MOK: variants seen among roughly 807,000 people sequenced by gnomAD.
The protein encoded by MOK is MAPK/MAK/MRK overlapping kinase.
A neutral mutation model predicts 54.2 loss-of-function variants in MOK; 59 were observed. The ratio of observed to expected loss-of-function variants is 1.09; its 90% confidence interval spans 0.88 to 1.35. MOK has a LOEUF of 1.35. MOK is among the 40% of genes most tolerant of loss of function. MOK has a pLI of 0.00. For missense variants in MOK, 517 were observed against 526.2 expected (o/e 0.98, Z 0.17); for synonymous variants, 210 against 202.7 (o/e 1.04, Z -0.31).
chr14:102,223,830 G>T (rs1295491313), downstream of MOK, among the ~76,000 whole-genome samples: 1 of 152,104 alleles, frequency 6.6e-6, no homozygotes. Flanking sequence ...TGGCTCAGGA[G>T]GGCGTGGGCT....
chr14:102,257,475 A>G (rs1294584408), intron 4 of MOK, among the ~76,000 whole-genome samples: 1 of 152,186 alleles, frequency 6.6e-6, no homozygotes, highest in African/African-American at 2.4e-5. Flanking sequence ...TCCATATCAC[A>G]GAGTAACCCC....
downstream of MOK, among the ~76,000 whole-genome samples, chr14:102,220,226 CAGTG>C (rs886346682): frequency 1.7e-4 from 26 of 152,244 alleles, no homozygotes; most frequent in African/African-American, 6.0e-4. The surrounding 1 kb of genome is among the most constrained non-coding windows in gnomAD (Gnocchi z 4.2). Flanking sequence ...GCCTCACACT[CAGTG>C]AGAGGAAGTC....
chr14:102,215,966 C>T, the MOK span, among the ~76,000 whole-genome samples: 3 of 152,210 alleles, frequency 2.0e-5, no homozygotes, highest in Admixed American at 1.3e-4. Context: ...TCAGACACAG[C>T]CCTTCCTCAG....
At chr14:102,292,988 G>A (rs2070937378) in intron 1 of MOK, among the ~76,000 whole-genome samples, 1 of 151,952 alleles carries the variant, frequency 6.6e-6, no homozygotes, top group Non-Finnish European at 1.5e-5. Context: ...ACAAAAATTC[G>A]CCAGGAGGGT....
At chr14:102,244,781 G>C (rs144753677) in intron 7 of MOK, among the ~76,000 whole-genome samples, 2 of 152,042 alleles carry the variant, frequency 1.3e-5, no homozygotes, top group Non-Finnish European at 2.9e-5. Context: ...ACCTCTATAC[G>C]GTCCAATAAC....
At position 102,236,814 on chromosome 14, in the gene MOK, A is replaced by T. The variant is rs2065259552; in HGVS notation, c.591-3025T>A. On this transcript the variant is annotated intron_variant, in intron 7 of 11. Coordinates refer to ENST00000361847, the MANE Select transcript of MOK (RefSeq NM_014226.3). This position sits in a 1 kb window ranked among gnomAD's most constrained non-coding sequence, Gnocchi z 4.5. ...AAAGGCTTACAGCCCATCACAAACA[A>T]GCTCTGTTCACGCCGTCTTCTTAGG... 6.6e-6 allele frequency among the ~76,000 whole-genome samples: 1 copy of T among 152,096 alleles called. No individual in the cohort carries two copies. The highest frequency in any genetic ancestry group is 1.5e-5 in the Non-Finnish European group (1 of 68,022).
Position 102,231,468 on chromosome 14 carries a change from T to G in MOK, c.981+239A>C. The stretch of plus-strand genomic sequence containing the variant: ...CATCCCCTCTCTGGGCCTGCTCACA[T>G]GGGATATTCGTCATCAATTCTTAGC... On this transcript the variant is annotated intron_variant, in intron 10 of 11. Coordinates refer to ENST00000361847, the MANE Select transcript of MOK (RefSeq NM_014226.3). This position sits in a 1 kb window ranked among gnomAD's most constrained non-coding sequence, Gnocchi z 4.4. 6.3e-6 allele frequency: 3 copies of G among 472,750 alleles called. No homozygotes were observed. The highest frequency in any genetic ancestry group is 3.8e-6 in the Non-Finnish European group (1 of 262,722). 29.3% of individuals were successfully genotyped at this position (472,750 alleles called of 1,614,324 possible).
chr14:102,231,910 C>T lies in MOK; in HGVS notation c.867-89G>A. The T allele has an allele frequency of 1.9e-6, 2 of 1,079,662 alleles. No individual in the cohort carries two copies. Among genetic ancestry groups the T allele is most frequent in the Non-Finnish European group, 2.7e-6 (2 of 729,542 alleles). 66.9% of individuals were successfully genotyped at this position (1,079,662 alleles called of 1,614,324 possible). On this transcript the variant is annotated intron_variant, in intron 9 of 11. Coordinates refer to ENST00000361847, the MANE Select transcript of MOK (RefSeq NM_014226.3). The surrounding 1 kb of genome is among the most constrained non-coding windows in gnomAD (Gnocchi z 4.4). ...GGCTTCTTTGTCTCCAATTTGTCTACTGTGTGAGTTGTCACTAGCTCTTCT... is the reference window on the plus strand; with the variant it reads ...GGCTTCTTTGTCTCCAATTTGTCTATTGTGTGAGTTGTCACTAGCTCTTCT...
At chr14:102,275,067 T>A (rs2068729096) in intron 2 of MOK, among the ~76,000 whole-genome samples, 1 of 151,796 alleles carries the variant, frequency 6.6e-6, no homozygotes, top group South Asian at 2.1e-4. Flanking sequence ...GGTATTGGCA[T>A]AATGACAGTC....
At chr14:102,296,989 C>T (rs758384088) in intron 1 of MOK, among the ~76,000 whole-genome samples, 4 of 152,002 alleles carry the variant, frequency 2.6e-5, no homozygotes, top group Non-Finnish European at 5.9e-5. Flanking sequence ...ACCCAGGAGG[C>T]AGAGGTTGCA....
chr14:102,261,421 ATATATATATATATATATATAT>A (rs2067446078), intron 4 of MOK, among the ~76,000 whole-genome samples: 9 of 25,562 alleles, frequency 3.5e-4, no homozygotes, highest in East Asian at 1.8e-3. Context: ...AAAAAAAAAT[ATATATATATATATATATATAT>A]ATATATATAT....
At chr14:102,276,054 G>A (rs903620158) in intron 2 of MOK, among the ~76,000 whole-genome samples, 3 of 152,218 alleles carry the variant, frequency 2.0e-5, no homozygotes, top group East Asian at 1.9e-4. Flanking sequence ...ATTAGTCATC[G>A]GGGAAGTAGA....
At chr14:102,216,956 C>G in the MOK span, among the ~76,000 whole-genome samples, 2 of 152,158 alleles carry the variant, frequency 1.3e-5, no homozygotes, top group East Asian at 1.9e-4. Context: ...AGCCATTTCT[C>G]CATGTGTGGC....
intron 4 of MOK, among the ~76,000 whole-genome samples, chr14:102,260,278 G>A (rs751196523): frequency 3.3e-5 from 5 of 151,876 alleles, no homozygotes; most frequent in Non-Finnish European, 4.4e-5. Context: ...CCCAGGAGGC[G>A]GAAGTTGCAG....
At chr14:102,276,978 G>C (rs905812061) in intron 2 of MOK, among the ~76,000 whole-genome samples, 1 of 149,496 alleles carries the variant, frequency 6.7e-6, no homozygotes, top group Non-Finnish European at 1.5e-5. Flanking sequence ...CTCTCAAGTA[G>C]CTAGGACTAC....
Position 102,245,174 on chromosome 14 carries a change from T to C in MOK, c.590+5638A>G, listed in dbSNP as rs942684363. Among the ~76,000 whole-genome samples the C allele has an allele frequency of 6.6e-6, 1 of 151,968 alleles. No homozygotes were observed. Among genetic ancestry groups the C allele is most frequent in the African/African-American group, 2.4e-5 (1 of 41,298 alleles). ...CCAGGCCATCACCAATCATTCTATA[T>C]GACAAATGCTCCTTCTAAGAACCCC... On this transcript the variant is annotated intron_variant, in intron 7 of 11. Transcript: ENST00000361847. This position sits in a 1 kb window ranked among gnomAD's most constrained non-coding sequence, Gnocchi z 4.3.
rs372487342 is a variant in MOK at position 102,250,893 on chromosome 14, G to A, written c.509C>T (p.Pro170Leu). Reference sequence around the variant, plus strand: ...GAACCCATCAGTGAGGAGACACTCCGGGGCCCGGTACCAGCGGGTGGAGAT... The same window carrying A: ...GAACCCATCAGTGAGGAGACACTCCAGGGCCCGGTACCAGCGGGTGGAGAT... ...EYISTRWYRA[P>L]ECLLTDGFYT... The change falls in exon 7 of 12, where the codon CCG (proline) becomes CTG (leucine). Residue 170 changes from proline to leucine, a missense_variant. By Grantham distance (98) the Pro-to-Leu change is moderately conservative (BLOSUM62 -3). Coordinates refer to ENST00000361847, the MANE Select transcript of MOK (RefSeq NM_014226.3). The A allele has an allele frequency of 5.1e-5, 82 of 1,613,976 alleles. No homozygotes were observed. The highest frequency in any genetic ancestry group is 1.6e-4 in the Middle Eastern group (1 of 6,084).
intron 2 of MOK, among the ~76,000 whole-genome samples, chr14:102,276,485 A>T (rs979903347): frequency 9.9e-5 from 15 of 152,012 alleles, no homozygotes; most frequent in African/African-American, 2.7e-4. Context: ...TCAAATAAAT[A>T]AATTAATTAA....
At chr14:102,264,813 C>G (rs535874882) in intron 3 of MOK, among the ~76,000 whole-genome samples, 1 of 152,136 alleles carries the variant, frequency 6.6e-6, no homozygotes, top group Non-Finnish European at 1.5e-5. Flanking sequence ...GTTCCTTGGC[C>G]GATCTTACAG....
Sources: allele counts gnomAD v4.1 joint callset (sites outside exome capture counted in the v4.1 genomes callset), GRCh38; gene constraint gnomAD v4.1.1; non-coding constraint Gnocchi (gnomAD v3.1); transcripts MANE v1.5; gene names NCBI Gene and HGNC (gene_info 2026-07-23, HGNC 2026-07-21).